SORT1: variants seen among roughly 807,000 people sequenced by gnomAD.
SORT1 encodes sortilin 1.
Under a neutral mutation model 101.7 loss-of-function variants are expected in SORT1, and 39 were observed. That is an observed-to-expected ratio of 0.38 (90% confidence interval 0.30 to 0.50). SORT1 has a LOEUF of 0.50. SORT1 is among the 20% of genes least tolerant of loss of function. SORT1 has a pLI of 0.90. For synonymous variants in SORT1, 396 were observed against 393.7 expected, an observed-to-expected ratio of 1.01 and a Z score of -0.07; for missense variants, 878 against 1,040.4, an observed-to-expected ratio of 0.84 and a Z score of 2.15.
Position 109,336,354 on chromosome 1 carries a change from G to A in SORT1, c.1265-8C>T. The A allele has an allele frequency of 1.3e-6, 2 of 1,545,320 alleles. No individual in the cohort carries two copies. The highest frequency in any genetic ancestry group is 1.1e-5 in the South Asian group (1 of 89,722). On this transcript the variant is annotated splice_region_variant and splice_polypyrimidine_tract_variant and intron_variant, in intron 10 of 19. Coordinates refer to ENST00000256637, the MANE Select transcript of SORT1 (RefSeq NM_002959.7). ...TGGTCTGGATAGAATTATCTGAATG[G>A]GAAGAGAACAACATTAAGTCTGATA...
At chr1:109,332,295 A>G (rs1648511430) in intron 11 of SORT1, among the ~76,000 whole-genome samples, 1 of 152,234 alleles carries the variant, frequency 6.6e-6, no homozygotes. Context: ...AGGTACATCA[A>G]GAACAAAACA....
At chr1:109,338,257 T>G (rs1648971591) in intron 10 of SORT1, among the ~76,000 whole-genome samples, 1 of 152,078 alleles carries the variant, frequency 6.6e-6, no homozygotes, top group Non-Finnish European at 1.5e-5. Flanking sequence ...TCTGTGCATG[T>G]GCATGTGTAC....
intron 13 of SORT1, 66 bp from the exon 14 acceptor site, chr1:109,325,155 C>T: frequency 9.3e-7 from 1 of 1,075,430 alleles, no homozygotes; most frequent in African/African-American, 1.6e-5. Flanking sequence ...CAGAAAACCA[C>T]TCTGGCTTTT....
chr1:109,368,151 G>A (rs181267215), intron 2 of SORT1, among the ~76,000 whole-genome samples: 136 of 152,002 alleles, frequency 8.9e-4, no homozygotes, highest in African/African-American at 3.1e-3. Flanking sequence ...AAAATTAGCC[G>A]GGCGTGGTGG....
intron 15 of SORT1, 69 bp downstream of exon 15, chr1:109,322,863 A>C: frequency 7.8e-7 from 1 of 1,288,590 alleles, no homozygotes; most frequent in Non-Finnish European, 1.1e-6. Flanking sequence ...TGTTAGCCCT[A>C]TAAGAAAACT....
At chr1:109,340,362 T>C (rs1570921056) in intron 10 of SORT1, among the ~76,000 whole-genome samples, 1 of 152,140 alleles carries the variant, frequency 6.6e-6, no homozygotes, top group East Asian at 1.9e-4. Context: ...GGCAAATTCA[T>C]TGAGACATAA....
rs1647900355 is a variant in SORT1 at position 109,325,092 on chromosome 1, G to A, written c.1644-3C>T. On this transcript the variant is annotated splice_region_variant and splice_polypyrimidine_tract_variant and intron_variant, in intron 13 of 19. Coordinates refer to ENST00000256637, the MANE Select transcript of SORT1 (RefSeq NM_002959.7). The stretch of plus-strand genomic sequence containing the variant: ...ATTGACCTTCGTCTGTGGAGAACCT[G>A]AAACCACAATTACAGAAAGATCATG... 6 of 1,597,302 alleles carry A rather than the reference G, an allele frequency of 3.8e-6. No homozygotes were observed. Among genetic ancestry groups the A allele is most frequent in the Non-Finnish European group, 4.3e-6 (5 of 1,167,652 alleles).
chr1:109,315,880 C>T (rs946354421), intron 17 of SORT1, among the ~76,000 whole-genome samples: 1 of 151,446 alleles, frequency 6.6e-6, no homozygotes. Context: ...CCTTCAGCCT[C>T]CTGAGTAGCT....
At chr1:109,376,447 A>AT (rs1431624248) in intron 1 of SORT1, among the ~76,000 whole-genome samples, 1 of 152,154 alleles carries the variant, frequency 6.6e-6, no homozygotes, top group Non-Finnish European at 1.5e-5. Flanking sequence ...CACATGCACT[A>AT]TGTTAATTAT....
chr1:109,335,331 G>T (rs1438522657), intron 11 of SORT1, among the ~76,000 whole-genome samples: 2 of 152,302 alleles, frequency 1.3e-5, no homozygotes, highest in East Asian at 1.9e-4. Context: ...CACTGAACCT[G>T]CCCAGGCTTA....
At position 109,355,398 on chromosome 1, in the gene SORT1, C is replaced by G. The variant is rs750957839; in HGVS notation, c.512G>C (p.Gly171Ala). Residue 171 changes from glycine to alanine, a missense_variant, in exon 4 of 20, where the codon GGC becomes GCC. Physicochemically the swap from Gly to Ala is moderately conservative, Grantham distance 60. Transcript: ENST00000256637. ...INNTFIRTEF[G>A]MAIGPENSGK... ...AGAGTTCTCAGGACCAATAGCCATG[C>G]CAAATTCAGTCCGAATAAAGGTGTT... is the stretch of plus-strand genomic sequence containing the variant. 2.4e-5 allele frequency: 38 copies of G among 1,601,324 alleles called. No homozygotes were observed. In the East Asian group the frequency reaches 8.3e-4, roughly 35 times the overall value.
chr1:109,354,364 T>C lies in SORT1; in HGVS notation c.708+3A>G, dbSNP rs1433382996. ...GCAAACCATGTTCCTCAACTGGACTTACTTCAGTGCTGAGAGCTAAAAGAT... is the reference window on the plus strand; with the variant it reads ...GCAAACCATGTTCCTCAACTGGACTCACTTCAGTGCTGAGAGCTAAAAGAT... On this transcript the variant is annotated splice_donor_region_variant and intron_variant, in intron 5 of 19. Transcript: ENST00000256637. 6.2e-7 allele frequency: 1 copy of C among 1,610,868 alleles called. No homozygotes were observed. The highest frequency in any genetic ancestry group is 8.5e-7 in the Non-Finnish European group (1 of 1,177,732).
chr1:109,314,076 A>G lies in SORT1; in HGVS notation c.2482-19T>C, dbSNP rs769724457. On this transcript the variant is annotated intron_variant, in intron 19 of 19. Transcript: ENST00000256637. ...AGAGGTCCTGAAAAAGACATGCACC[A>G]TATTACCGACAGACCACAACACTCC... 2.5e-6 allele frequency: 4 copies of G among 1,614,124 alleles called. No homozygotes were observed. The highest frequency in any genetic ancestry group is 1.1e-5 in the South Asian group (1 of 91,086).
In SORT1 at chr1:109,323,078, G is replaced by T. The variant is rs960026366; in HGVS notation, c.1878C>A (p.Asp626Glu). The T allele has an allele frequency of 1.2e-6, 2 of 1,614,108 alleles. No individual in the cohort carries two copies. Among genetic ancestry groups the T allele is most frequent in the Non-Finnish European group, 1.7e-6 (2 of 1,179,968 alleles). Residue 626 changes from aspartate (D) to glutamate (E), a missense_variant, in exon 15 of 20, where the codon GAC becomes GAA. Around this residue, in one of 2 missense-constraint regions of SORT1, gnomAD observed 684 missense variants for 894.5 expected, o/e 0.76. Coordinates refer to ENST00000256637, the MANE Select transcript of SORT1 (RefSeq NM_002959.7). Reference sequence around the variant, plus strand: ...TGCAGCCATCTTCATAATCTTCAGGGTCTGTGGAGTGTGCCAGCCATATGG... The same window carrying T: ...TGCAGCCATCTTCATAATCTTCAGGTTCTGTGGAGTGTGCCAGCCATATGG... ...DYTIWLAHST[D>E]PEDYEDGCIL...
In SORT1 at chr1:109,310,151, G is replaced by C. The variant is rs1658633981; in HGVS notation, c.*3892C>G. The C allele has an allele frequency of 6.6e-6, 1 of 152,550 alleles. No homozygotes were observed. Among genetic ancestry groups the C allele is most frequent in the South Asian group, 2.1e-4 (1 of 4,826 alleles). The allele number at this position is 152,550 out of a possible 1,614,324, so 9.4% of individuals were successfully genotyped here. On this transcript the variant is annotated 3_prime_UTR_variant, in exon 20 of 20. Coordinates refer to ENST00000256637, the MANE Select transcript of SORT1 (RefSeq NM_002959.7). Reference sequence around the variant, plus strand: ...AAATCATTACCATGTACACTATACAGTTTATATATGTATATATGTACACAC... The same window carrying C: ...AAATCATTACCATGTACACTATACACTTTATATATGTATATATGTACACAC...
intron 17 of SORT1, among the ~76,000 whole-genome samples, chr1:109,315,434 C>G (rs1458831818): frequency 1.3e-5 from 2 of 152,000 alleles, no homozygotes. Context: ...TGAGGAGAGT[C>G]ACCAGGAGCC....
chr1:109,330,280 A>C, intron 11 of SORT1, among the ~76,000 whole-genome samples: 1 of 152,210 alleles, frequency 6.6e-6, no homozygotes, highest in East Asian at 1.9e-4. Context: ...GGCGTGAGCC[A>C]GTGTGCCTGG....
At chr1:109,380,631 T>C (rs530629156) in intron 1 of SORT1, among the ~76,000 whole-genome samples, 96 of 151,764 alleles carry the variant, frequency 6.3e-4, no homozygotes, top group African/African-American at 2.0e-3. Context: ...ACCCAATTCA[T>C]AGAAGGACAA....
At chr1:109,384,456 A>C (rs1311302384) in intron 1 of SORT1, among the ~76,000 whole-genome samples, 1 of 152,222 alleles carries the variant, frequency 6.6e-6, no homozygotes, top group African/African-American at 2.4e-5. Flanking sequence ...TTACAAAGGG[A>C]ATATCATTTC....
Sources: gnomAD v4.1 joint callset for allele counts (sites outside exome capture counted in the v4.1 genomes callset) on GRCh38, gnomAD v4.1.1 for gene constraint, gnomAD v4.1.1 regional missense constraint, MANE v1.5 for transcripts, NCBI Gene and HGNC (gene_info 2026-07-23, HGNC 2026-07-21) for gene names.